CSMD1: variants seen among roughly 807,000 people sequenced by gnomAD.
The protein encoded by CSMD1 is CUB and sushi domain-containing protein 1.
CSMD1 carries 213 observed loss-of-function variants against 417.5 expected under a neutral mutation model. The observed-to-expected ratio is 0.51, with a 90% CI of 0.46 to 0.57. The LOEUF is 0.57. CSMD1 is among the 20% of genes least tolerant of loss of function. The pLI, the probability that CSMD1 is intolerant of heterozygous loss-of-function variation, is 0.00. For synonymous variants in CSMD1, 2,862 were observed against 1,736.8 expected (o/e 1.65, Z -16.11); for missense variants, 6,923 against 4,529.7 (o/e 1.53, Z -15.17).
intron 49 of CSMD1, among the ~76,000 whole-genome samples, chr8:3,077,984 G>A (rs892323230): frequency 6.6e-6 from 1 of 152,142 alleles, no homozygotes; most frequent in African/African-American, 2.4e-5. Context: ...ATTTGCCTCC[G>A]TTTCCTTTAT....
At chr8:3,932,344 T>G (rs1810208427) in intron 5 of CSMD1, among the ~76,000 whole-genome samples, 1 of 150,614 alleles carries the variant, frequency 6.6e-6, no homozygotes, top group African/African-American at 2.4e-5. Flanking sequence ...CCATTTATTC[T>G]GCGACTAGAG....
At chr8:4,910,559 C>A (rs565939191) in intron 1 of CSMD1, among the ~76,000 whole-genome samples, 1 of 152,080 alleles carries the variant, frequency 6.6e-6, no homozygotes, top group African/African-American at 2.4e-5. Context: ...TTTTTATAGA[C>A]GCTAATTCCA....
intron 4 of CSMD1, among the ~76,000 whole-genome samples, chr8:3,999,706 C>G (rs991970768): frequency 6.6e-6 from 1 of 152,140 alleles, no homozygotes; most frequent in African/African-American, 2.4e-5. Context: ...TTTATGTCAA[C>G]TAATGCTAAT....
intron 2 of CSMD1, among the ~76,000 whole-genome samples, chr8:4,475,757 C>A (rs544829157): frequency 3.9e-5 from 6 of 152,000 alleles, no homozygotes; most frequent in African/African-American, 1.2e-4. Context: ...GGATTACAGG[C>A]GTGCACCACC....
At chr8:3,914,270 C>G (rs1225654580) in intron 5 of CSMD1, among the ~76,000 whole-genome samples, 2 of 152,076 alleles carry the variant, frequency 1.3e-5, no homozygotes, top group Admixed American at 1.3e-4. Context: ...AGGTTGCATA[C>G]TTTGGAGAGA....
chr8:4,401,447 G>C (rs1031986721), intron 3 of CSMD1, among the ~76,000 whole-genome samples: 4 of 152,080 alleles, frequency 2.6e-5, no homozygotes, highest in African/African-American at 4.8e-5. Context: ...TAAAAACATA[G>C]GTAATTTCAA....
At chr8:3,843,691 G>C (rs1033511182) in intron 5 of CSMD1, among the ~76,000 whole-genome samples, 56 of 152,308 alleles carry the variant, frequency 3.7e-4, no homozygotes, top group African/African-American at 1.3e-3. Flanking sequence ...AGCCCACAGT[G>C]GGTGGAACAC....
intron 7 of CSMD1, among the ~76,000 whole-genome samples, chr8:3,662,719 C>T (rs1250009614): frequency 6.6e-6 from 1 of 152,072 alleles, no homozygotes; most frequent in Non-Finnish European, 1.5e-5. Context: ...AGCCATCATT[C>T]TCAGCAAACT....
intron 1 of CSMD1, among the ~76,000 whole-genome samples, chr8:4,713,651 C>G (rs1050287329): frequency 2.0e-5 from 3 of 152,092 alleles, no homozygotes; most frequent in African/African-American, 7.2e-5. Context: ...AGTGGAACGT[C>G]TCTTAACAAA....
At chr8:3,894,634 A>T (rs1807232165) in intron 5 of CSMD1, among the ~76,000 whole-genome samples, 1 of 152,212 alleles carries the variant, frequency 6.6e-6, no homozygotes, top group African/African-American at 2.4e-5. Context: ...TGCTAAGGCT[A>T]AACAAGACTT....
At chr8:3,612,524 G>C (rs375109419) in intron 8 of CSMD1, among the ~76,000 whole-genome samples, 2 of 152,040 alleles carry the variant, frequency 1.3e-5, no homozygotes, top group African/African-American at 4.8e-5. Context: ...AGTGGTCATG[G>C]AACATTTACC....
At position 3,108,682 on chromosome 8, in the gene CSMD1, C is replaced by T. The variant is rs750789091; in HGVS notation, c.6675G>A (p.Ala2225=). 7.7e-5 allele frequency: 125 copies of T among 1,613,642 alleles called. No homozygotes were observed. Among genetic ancestry groups the T allele is most frequent in the South Asian group, 4.7e-4 (43 of 90,966 alleles). Residue 2225 remains alanine, a synonymous_variant, in exon 44 of 70, where the codon GCG becomes GCA. Transcript: ENST00000635120. ...GCAGGACTTGGTTGGTGGAGCTATA[C>T]GCCGTTTCGAGGGCTGTGTTGCCAC... The part of the protein sequence containing the change: ...VFSGNTALET[A]YSSTNQVLLK...
intron 6 of CSMD1, among the ~76,000 whole-genome samples, chr8:3,748,091 T>G (rs1263247876): frequency 6.6e-6 from 1 of 151,982 alleles, no homozygotes; most frequent in Non-Finnish European, 1.5e-5. Flanking sequence ...AGAGTAAGAG[T>G]CAGTCGCTTG....
chr8:3,647,939 T>C lies in CSMD1; in HGVS notation c.1010-31142A>G, dbSNP rs564148602. ...CTGTTTGTTTTGTTTGTAAGAGACATGTGCCACTTCATAAAGCAGTGATGC... is the reference window on the plus strand; with the variant it reads ...CTGTTTGTTTTGTTTGTAAGAGACACGTGCCACTTCATAAAGCAGTGATGC... On this transcript the variant is annotated intron_variant, in intron 7 of 69. Transcript: ENST00000635120. 1.1e-4 allele frequency among the ~76,000 whole-genome samples: 17 copies of C among 152,368 alleles called. No individual in the cohort carries two copies. The East Asian group carries it at 1.9e-3, about 17-fold the overall frequency.
intron 5 of CSMD1, among the ~76,000 whole-genome samples, chr8:3,924,185 T>C (rs1809478071): frequency 1.3e-5 from 2 of 152,220 alleles, no homozygotes; most frequent in African/African-American, 4.8e-5. Context: ...GGCAGCTCTT[T>C]ACTTTCATAA....
intron 7 of CSMD1, among the ~76,000 whole-genome samples, chr8:3,688,945 A>G (rs4372024): frequency 0.3 from 46,266 of 152,044 alleles, 7,986 homozygotes; most frequent in South Asian, 0.42. Flanking sequence ...AAGTAATTAA[A>G]TGAATGAAAT....
intron 1 of CSMD1, among the ~76,000 whole-genome samples, chr8:4,935,868 C>A (rs1172808687): frequency 1.3e-5 from 2 of 152,194 alleles, no homozygotes; most frequent in Admixed American, 6.5e-5. Flanking sequence ...ACATGAGAAG[C>A]AGAACTCATG....
At chr8:4,366,994 T>A (rs547588761) in intron 3 of CSMD1, among the ~76,000 whole-genome samples, 1 of 152,184 alleles carries the variant, frequency 6.6e-6, no homozygotes, top group Non-Finnish European at 1.5e-5. Flanking sequence ...ATTCTGGAGG[T>A]TGTCTGCTTA....
chr8:3,627,034 C>T (rs1367325440), intron 7 of CSMD1, among the ~76,000 whole-genome samples: 2 of 151,976 alleles, frequency 1.3e-5, no homozygotes, highest in Non-Finnish European at 2.9e-5. Context: ...GGAGTTTAGG[C>T]ATTTTTAAAG....
Sources: allele counts gnomAD v4.1 joint callset (sites outside exome capture counted in the v4.1 genomes callset), GRCh38; gene constraint gnomAD v4.1.1; transcripts MANE v1.5; gene names NCBI Gene and HGNC (gene_info 2026-07-23, HGNC 2026-07-21).